ZFP91: variants seen among roughly 807,000 people sequenced by gnomAD.
The protein encoded by ZFP91 is E3 ubiquitin-protein ligase ZFP91.
ZFP91 carries 7 observed loss-of-function variants against 63.5 expected under a neutral mutation model. That is an observed-to-expected ratio of 0.11 (90% CI 0.06 to 0.21). The LOEUF (loss-of-function observed/expected upper bound fraction) is 0.21. ZFP91 is among the 10% of genes least tolerant of loss of function. The pLI, the probability that ZFP91 is intolerant of heterozygous loss-of-function variation, is 1.00. For missense variants in ZFP91, 628 were observed against 736.6 expected (o/e 0.85, Z 1.71); for synonymous variants, 330 against 272.1 (o/e 1.21, Z -2.10).
At chr11:58,591,419 A>G (rs1855303927) in intron 2 of ZFP91, among the ~76,000 whole-genome samples, 2 of 152,310 alleles carry the variant, frequency 1.3e-5, no homozygotes, top group South Asian at 2.1e-4. Context: ...ACTGTGATGT[A>G]TATTTTTGAA....
chr11:58,606,988 A>G (rs1011330473), intron 2 of ZFP91, among the ~76,000 whole-genome samples: 2 of 152,126 alleles, frequency 1.3e-5, no homozygotes, highest in Non-Finnish European at 2.9e-5. Context: ...AGTAGTATTC[A>G]ATAAGATAGG....
At chr11:58,590,495 G>A (rs1029347029) in intron 2 of ZFP91, among the ~76,000 whole-genome samples, 1 of 152,126 alleles carries the variant, frequency 6.6e-6, no homozygotes, top group African/African-American at 2.4e-5. Context: ...ACTGCAAGGT[G>A]TCTTGAAACC....
intron 2 of ZFP91, among the ~76,000 whole-genome samples, chr11:58,589,151 A>G (rs1348456783): frequency 6.6e-6 from 1 of 152,036 alleles, no homozygotes; most frequent in East Asian, 1.9e-4. Flanking sequence ...GGCCCACTGC[A>G]GTGTTGATCT....
In ZFP91 at chr11:58,579,357, C is replaced by G. The variant is rs1855042602; in HGVS notation, c.76C>G (p.Pro26Ala). 2 of 1,493,212 alleles carry G rather than the reference C, an allele frequency of 1.3e-6. No homozygotes were observed. The highest frequency in any genetic ancestry group is 1.8e-6 in the Non-Finnish European group (2 of 1,126,080). 92.5% of individuals were successfully genotyped at this position (1,493,212 alleles called of 1,614,324 possible). Residue 26 changes from proline (P) to alanine (A), a missense_variant, in exon 1 of 11, where the codon CCG becomes GCG. Pro to Ala is a conservative substitution (Grantham distance 27). Coordinates refer to ENST00000316059, the MANE Select transcript of ZFP91 (RefSeq NM_053023.5). ...QEGGEAAKAAPEEPQQRPPEA... is the reference protein window; with the variant it reads ...QEGGEAAKAAAEEPQQRPPEA... ...AGGGGGAGAGGCGGCCAAGGCGGCT[C>G]CGGAGGAGCCCCAACAACGGCCCCC...
chr11:58,579,388 C>G lies in ZFP91; in HGVS notation c.107C>G (p.Ala36Gly). The G allele has an allele frequency of 6.8e-7, 1 of 1,475,368 alleles. No homozygotes were observed. The highest frequency in any genetic ancestry group is 8.9e-7 in the Non-Finnish European group (1 of 1,119,166). The allele number at this position is 1,475,368 out of a possible 1,614,324, so 91.4% of individuals were successfully genotyped here. The change falls in exon 1 of 11, where the codon GCG (alanine) becomes GGG (glycine). Residue 36 changes from alanine (A) to glycine (G), a missense_variant. Ala to Gly is a moderately conservative substitution (Grantham distance 60, BLOSUM62 0). Coordinates refer to ENST00000316059, the MANE Select transcript of ZFP91 (RefSeq NM_053023.5). ...GAGCCCCAACAACGGCCCCCTGAGG[C>G]GGTCGCGGCGGCGCCTGCAGGGACC... is the stretch of plus-strand genomic sequence containing the variant. ...PEEPQQRPPE[A>G]VAAAPAGTTS...
In ZFP91 at chr11:58,619,110, A is replaced by C. The variant is rs1855803781; in HGVS notation, c.*1404A>C. The C allele has an allele frequency of 6.5e-6, 1 of 153,780 alleles. No homozygotes were observed. Among genetic ancestry groups the C allele is most frequent in the Non-Finnish European group, 1.5e-5 (1 of 68,928 alleles). 9.5% of individuals were successfully genotyped at this position (153,780 alleles called of 1,614,324 possible). The stretch of plus-strand genomic sequence containing the variant: ...AGGAACAAAGTCTATGAGTCCTAAA[A>C]TTTTAAGTCAAAGAAAACTGCTCTG... On this transcript the variant is annotated 3_prime_UTR_variant, in exon 11 of 11. Coordinates refer to ENST00000316059, the MANE Select transcript of ZFP91 (RefSeq NM_053023.5).
intron 2 of ZFP91, among the ~76,000 whole-genome samples, chr11:58,593,063 A>G (rs1855334973): frequency 6.6e-6 from 1 of 152,216 alleles, no homozygotes; most frequent in African/African-American, 2.4e-5. Context: ...TTCATGAGGG[A>G]TCCACCCCCA....
intron 9 of ZFP91, 41 bp from the exon 10 acceptor site, chr11:58,616,675 G>A (rs1355860517): frequency 3.3e-6 from 5 of 1,530,746 alleles, no homozygotes; most frequent in Middle Eastern, 1.7e-4. Context: ...ATATTTACAG[G>A]GTATCTAAAT....
In ZFP91 at chr11:58,579,307, G is replaced by A; in HGVS notation, c.26G>A (p.Arg9Lys). Residue 9 changes from arginine (R) to lysine (K), a missense_variant, in exon 1 of 11, where the codon AGA becomes AAA. Around this residue, in one of 3 missense-constraint regions of ZFP91, gnomAD observed 437 missense variants for 380.3 expected, o/e 1.15. Coordinates refer to ENST00000316059, the MANE Select transcript of ZFP91 (RefSeq NM_053023.5). ...ATGCCGGGGGAGACGGAAGAGCCGA[G>A]ACCCCCGGAGCAGCAGGACCAGGAA... MPGETEEP[R>K]PPEQQDQEGG... is the part of the protein sequence containing the mutation. 6.7e-7 allele frequency: 1 copy of A among 1,484,708 alleles called. No individual in the cohort carries two copies. Among genetic ancestry groups the A allele is most frequent in the African/African-American group, 1.5e-5 (1 of 67,616 alleles). The allele number at this position is 1,484,708 out of a possible 1,614,324, so 92.0% of individuals were successfully genotyped here. A position where few individuals can be genotyped will look rare whatever the true frequency, so the allele number is the denominator to read the frequency against.
chr11:58,587,937 G>A (rs1241781894), intron 2 of ZFP91, among the ~76,000 whole-genome samples: 1 of 152,154 alleles, frequency 6.6e-6, no homozygotes, highest in Admixed American at 6.5e-5. Flanking sequence ...GTAGAATCAA[G>A]TAGATGTGGG....
intron 2 of ZFP91, among the ~76,000 whole-genome samples, chr11:58,590,695 C>G (rs1160261799): frequency 6.6e-6 from 1 of 152,082 alleles, no homozygotes; most frequent in Non-Finnish European, 1.5e-5. Flanking sequence ...ATAGGTCTTT[C>G]AAATTTTTTA....
intron 2 of ZFP91, among the ~76,000 whole-genome samples, chr11:58,597,804 A>T (rs549212818): frequency 2.6e-5 from 4 of 152,310 alleles, no homozygotes; most frequent in Admixed American, 2.6e-4. Context: ...GAGCAACTGC[A>T]GCTACACACC....
rs148957740 is a variant in ZFP91, at chr11:58,615,449, T to C, written c.1102+1106T>C. ...AAGCGTATGAAAAACTTTTATAAAT[T>C]CAGTCCATTTCAAATATTTATATTT... On this transcript the variant is annotated intron_variant, in intron 9 of 10. Transcript: ENST00000316059. 4.9e-3 allele frequency among the ~76,000 whole-genome samples: 753 copies of C among 152,364 alleles called. 20 individuals are homozygous for C. Among genetic ancestry groups the C allele is most frequent in the Admixed American group, 0.039 (595 of 15,310 alleles).
chr11:58,611,031 G>A lies in ZFP91; in HGVS notation c.699G>A (p.Glu233=). Residue 233 remains glutamate (E), a synonymous_variant, in exon 5 of 11, where the codon GAG becomes GAA. Transcript: ENST00000316059. ...CATTCAAAGATGATCCAAGAGATGA[G>A]ACCTACAAACCCCACTTAGAAAGGC... ...EIPFKDDPRD[E]TYKPHLERET... The A allele has an allele frequency of 6.2e-7, 1 of 1,613,218 alleles. No homozygotes were observed. Among genetic ancestry groups the A allele is most frequent in the Non-Finnish European group, 8.5e-7 (1 of 1,179,602 alleles).
intron 1 of ZFP91, among the ~76,000 whole-genome samples, chr11:58,583,597 C>T (rs1211202983): frequency 6.6e-6 from 1 of 151,998 alleles, no homozygotes; most frequent in Non-Finnish European, 1.5e-5. Flanking sequence ...ATGATAGAAA[C>T]ATTGAACCAA....
chr11:58,587,410 G>C (rs1855229765), intron 2 of ZFP91, among the ~76,000 whole-genome samples: 4 of 152,150 alleles, frequency 2.6e-5, no homozygotes, highest in Non-Finnish European at 1.5e-5. Flanking sequence ...GATAAGGGAA[G>C]ACCTTTTGGT....
intron 2 of ZFP91, among the ~76,000 whole-genome samples, chr11:58,588,190 A>G (rs911422903): frequency 2.0e-5 from 3 of 152,316 alleles, no homozygotes; most frequent in Admixed American, 6.5e-5. Flanking sequence ...CCTTTTATTC[A>G]AAATCATTTT....
chr11:58,580,872 A>ATTAG (rs1191434523), intron 1 of ZFP91, among the ~76,000 whole-genome samples: 1 of 152,248 alleles, frequency 6.6e-6, no homozygotes, highest in East Asian at 1.9e-4. Context: ...TTCAGCTGCA[A>ATTAG]TTAGACTTCT....
At chr11:58,599,712 A>C (rs1282430323) in intron 2 of ZFP91, among the ~76,000 whole-genome samples, 1 of 152,038 alleles carries the variant, frequency 6.6e-6, no homozygotes, top group Non-Finnish European at 1.5e-5. Flanking sequence ...GTTAAATCCA[A>C]AGACTTTATA....
Sources: gnomAD v4.1 joint callset for allele counts (sites outside exome capture counted in the v4.1 genomes callset) on GRCh38, gnomAD v4.1.1 for gene constraint, gnomAD v4.1.1 regional missense constraint, MANE v1.5 for transcripts, NCBI Gene and HGNC (gene_info 2026-07-23, HGNC 2026-07-21) for gene names.